PHLPP2: variants seen among roughly 807,000 people sequenced by gnomAD.
PHLPP2 encodes the protein PH domain leucine-rich repeat-containing protein phosphatase 2.
A neutral mutation model predicts 124.9 loss-of-function variants in PHLPP2; 66 were observed. That is an observed-to-expected ratio of 0.53 (90% CI 0.43 to 0.65). The LOEUF (loss-of-function observed/expected upper bound fraction) is 0.65, where lower values mean the gene tolerates loss of function less well. Among genes scored for constraint, PHLPP2 ranks in the 30% least tolerant of loss-of-function variants. PHLPP2 has a pLI of 0.00. For synonymous variants in PHLPP2, 681 were observed against 624.7 expected (o/e 1.09, Z -1.34); for missense variants, 1,685 against 1,600.4 (o/e 1.05, Z -0.90).
chr16:71,677,612 A>G (rs979039612), intron 8 of PHLPP2: 3 of 150,892 alleles, frequency 2.0e-5, no homozygotes, highest in Non-Finnish European at 2.9e-5. Flanking sequence ...CTCTCTCTTA[A>G]GTCTCCAGTG....
At chr16:71,670,318 C>T (rs1358786637) in intron 10 of PHLPP2, among the ~76,000 whole-genome samples, 2 of 151,996 alleles carry the variant, frequency 1.3e-5, no homozygotes, top group Admixed American at 1.3e-4. Flanking sequence ...AGGACAGAAC[C>T]TTGGGGATAA....
intron 3 of PHLPP2, among the ~76,000 whole-genome samples, chr16:71,691,033 T>TA (rs2045106571): frequency 6.6e-6 from 1 of 152,224 alleles, no homozygotes; most frequent in Non-Finnish European, 1.5e-5. Flanking sequence ...AAGTCAGAGA[T>TA]ACTTGAATTT....
chr16:71,681,713 T>A lies in PHLPP2; in HGVS notation c.890+38A>T, dbSNP rs773250349. ...CCATAAGATACTGATTATGAGTTGG[T>A]TTTAACAGGTTAGTCTGGAAACCCA... On this transcript the variant is annotated intron_variant, in intron 6 of 18. Coordinates refer to ENST00000568954, the MANE Select transcript of PHLPP2 (RefSeq NM_015020.3). The A allele has an allele frequency of 1.9e-6, 3 of 1,542,660 alleles. No homozygotes were observed. The Admixed American group carries it at 5.7e-5, about 29-fold the overall frequency.
intron 4 of PHLPP2, among the ~76,000 whole-genome samples, chr16:71,688,243 G>C (rs920728011): frequency 6.6e-6 from 1 of 152,126 alleles, no homozygotes; most frequent in South Asian, 2.1e-4. Context: ...AGAGGGTTCC[G>C]CTAGAAGATT....
In PHLPP2 at chr16:71,663,997, G is replaced by T. The variant is rs773189684; in HGVS notation, c.1887C>A (p.Asn629Lys). ...GTATGCACTGATCCGTCAGGAGATT[G>T]TTGGTCAGATAAAGCAGCTGCAGCA... ...LSMLQLLYLTNNLLTDQCIPV... is the reference protein window; with the variant it reads ...LSMLQLLYLTKNLLTDQCIPV... Residue 629 changes from asparagine (N) to lysine (K), a missense_variant, in exon 13 of 19, where the codon AAC becomes AAA. Asn to Lys is a moderately conservative substitution (Grantham distance 94). Coordinates refer to ENST00000568954, the MANE Select transcript of PHLPP2 (RefSeq NM_015020.3). 1 of 1,613,832 alleles carries T rather than the reference G, an allele frequency of 6.2e-7. No homozygotes were observed. The highest frequency in any genetic ancestry group is 1.1e-5 in the South Asian group (1 of 91,084).
intron 1 of PHLPP2, among the ~76,000 whole-genome samples, chr16:71,721,724 A>G (rs977174771): frequency 6.6e-6 from 1 of 152,174 alleles, no homozygotes; most frequent in Non-Finnish European, 1.5e-5. Context: ...GTAACTTCCT[A>G]TCTTCTATAA....
chr16:71,658,627 G>C, intron 14 of PHLPP2, 26 bp downstream of exon 14: 1 of 1,604,560 alleles, frequency 6.2e-7, no homozygotes, highest in Non-Finnish European at 8.5e-7. Flanking sequence ...CCCCAATAAG[G>C]ACATCATTCC....
chr16:71,695,631 AC>A (rs966142691), intron 3 of PHLPP2, among the ~76,000 whole-genome samples: 1 of 151,506 alleles, frequency 6.6e-6, no homozygotes. Context: ...AATCGCTTGA[AC>A]CTGGGGGGTG....
intron 10 of PHLPP2, among the ~76,000 whole-genome samples, chr16:71,670,485 T>A (rs1259249932): frequency 6.6e-6 from 1 of 151,940 alleles, no homozygotes; most frequent in African/African-American, 2.4e-5. Flanking sequence ...AAAGTTCCAA[T>A]AAGAGCAGAA....
At chr16:71,708,833 T>G (rs1054774533) in intron 2 of PHLPP2, among the ~76,000 whole-genome samples, 2 of 152,100 alleles carry the variant, frequency 1.3e-5, no homozygotes, top group African/African-American at 2.4e-5. Context: ...AGCGTGCCCC[T>G]GTAGTCCCAG....
In PHLPP2 at chr16:71,649,030, C is replaced by T; in HGVS notation, c.3832G>A (p.Glu1278Lys). 1 of 1,614,174 alleles carries T rather than the reference C, an allele frequency of 6.2e-7. No individual in the cohort carries two copies. Among genetic ancestry groups the T allele is most frequent in the Non-Finnish European group, 8.5e-7 (1 of 1,180,032 alleles). The stretch of plus-strand genomic sequence containing the variant: ...TCATGAGGCACAACAAACTGGTCCT[C>T]TGGTTCCATCTGAGTGGGGGCAGCA... ...YFAAPTQMEP[E>K]DQFVVPHDLE... is the part of the protein sequence containing the mutation. Residue 1278 changes from glutamate (E) to lysine (K), a missense_variant, in exon 19 of 19, where the codon GAG becomes AAG. Glu to Lys is a moderately conservative substitution (Grantham distance 56). Transcript: ENST00000568954.
At chr16:71,699,785 C>A (rs149518627) in intron 3 of PHLPP2, among the ~76,000 whole-genome samples, 2 of 152,328 alleles carry the variant, frequency 1.3e-5, no homozygotes, top group East Asian at 3.9e-4. Flanking sequence ...ATAACATGTC[C>A]TCTGGGGCCT....
At chr16:71,691,383 C>T (rs956893937) in intron 3 of PHLPP2, among the ~76,000 whole-genome samples, 10 of 151,946 alleles carry the variant, frequency 6.6e-5, no homozygotes, top group Non-Finnish European at 1.0e-4. Flanking sequence ...ATGGCGTGAA[C>T]CCAGAAGGCA....
chr16:71,657,584 C>T (rs1278056205), intron 15 of PHLPP2, among the ~76,000 whole-genome samples: 2 of 150,126 alleles, frequency 1.3e-5, no homozygotes, highest in African/African-American at 2.5e-5. Context: ...TTAGTAGAGA[C>T]GGGGTTTCAC....
At chr16:71,667,858 T>A (rs2044852598) in intron 11 of PHLPP2, among the ~76,000 whole-genome samples, 1 of 152,204 alleles carries the variant, frequency 6.6e-6, no homozygotes, top group African/African-American at 2.4e-5. Flanking sequence ...CTCCAAAGAT[T>A]GTGTTCATAT....
intron 1 of PHLPP2, among the ~76,000 whole-genome samples, chr16:71,718,470 C>T (rs1337595532): frequency 1.3e-5 from 2 of 151,480 alleles, no homozygotes; most frequent in Non-Finnish European, 2.9e-5. Flanking sequence ...ATCCCAAATA[C>T]TTGGGAGGCT....
intron 12 of PHLPP2, among the ~76,000 whole-genome samples, chr16:71,666,482 C>T (rs1273920362): frequency 1.3e-5 from 2 of 152,180 alleles, no homozygotes; most frequent in East Asian, 1.9e-4. Context: ...CACTGCACTC[C>T]AGCCTGAGTG....
chr16:71,706,178 C>A (rs2045272493), intron 2 of PHLPP2, among the ~76,000 whole-genome samples: 1 of 152,188 alleles, frequency 6.6e-6, no homozygotes, highest in Non-Finnish European at 1.5e-5. Context: ...TTTGGAGTAA[C>A]AGTTTTGGTT....
At chr16:71,677,532 G>T (rs1240203200) in intron 8 of PHLPP2, 1 of 127,264 alleles carries the variant, frequency 7.9e-6, no homozygotes, top group Admixed American at 7.8e-5. Context: ...ATGACCTCTG[G>T]GTTTTTTCTA....
Sources: allele counts gnomAD v4.1 joint callset (sites outside exome capture counted in the v4.1 genomes callset), GRCh38; gene constraint gnomAD v4.1.1; transcripts MANE v1.5; gene names NCBI Gene and HGNC (gene_info 2026-07-23, HGNC 2026-07-21).